The following EAPP variants were observed in gnomAD, a reference collection of about 807,000 sequenced individuals.
EAPP encodes E2F-associated phosphoprotein.
A neutral mutation model predicts 34.3 loss-of-function variants in EAPP; 38 were observed. The ratio of observed to expected loss-of-function variants is 1.11; its 90% confidence interval spans 0.85 to 1.45. The LOEUF (loss-of-function observed/expected upper bound fraction) is 1.45, where lower values mean the gene tolerates loss of function less well. Among genes scored for constraint, EAPP ranks in the 40% most tolerant of loss-of-function variants. The pLI, the probability that EAPP is intolerant of heterozygous loss-of-function variation, is 0.00. For missense variants in EAPP, 338 were observed against 343.7 expected (o/e 0.98, Z 0.13); for synonymous variants, 113 against 117.6 (o/e 0.96, Z 0.25).
intron 2 of EAPP, among the ~76,000 whole-genome samples, chr14:34,533,929 G>T (rs1055112820): frequency 1.3e-5 from 2 of 152,198 alleles, no homozygotes; most frequent in East Asian, 3.9e-4. Flanking sequence ...AGGAAGGCAG[G>T]AGGAATGAGT....
intron 5 of EAPP, among the ~76,000 whole-genome samples, chr14:34,520,830 T>G (rs571296920): frequency 6.6e-6 from 1 of 151,818 alleles, no homozygotes; most frequent in East Asian, 2.0e-4. Flanking sequence ...TTCCACTCCC[T>G]CCTGATCTGT....
chr14:34,535,625 G>C (rs1170647492), intron 2 of EAPP, among the ~76,000 whole-genome samples: 1 of 150,184 alleles, frequency 6.7e-6, no homozygotes, highest in African/African-American at 2.5e-5. Context: ...GTAGACACAG[G>C]GTTTCACCGT....
At chr14:34,538,117 C>T (rs564713961) in intron 1 of EAPP, among the ~76,000 whole-genome samples, 32 of 152,288 alleles carry the variant, frequency 2.1e-4, no homozygotes, top group African/African-American at 5.8e-4. Flanking sequence ...GTGGCTCAGG[C>T]CTGTAATCCT....
In EAPP at chr14:34,516,304, G is replaced by A. The variant is rs746768037; in HGVS notation, c.*6C>T. 6.9e-6 allele frequency: 11 copies of A among 1,604,370 alleles called. No individual in the cohort carries two copies. Among genetic ancestry groups the A allele is most frequent in the Middle Eastern group, 1.7e-4 (1 of 6,024 alleles). On this transcript the variant is annotated 3_prime_UTR_variant, in exon 6 of 6. Transcript: ENST00000250454. ...GTATTGGGTAATTAAATGCCAGTTG[G>A]GCTGTTTAGGAATGGCTTGCTAAAA...
At chr14:34,531,114 G>T (rs1880274758) in intron 3 of EAPP, among the ~76,000 whole-genome samples, 1 of 151,522 alleles carries the variant, frequency 6.6e-6, no homozygotes, top group South Asian at 2.1e-4. Context: ...AAACCAGCAT[G>T]ACCAACATGG....
intron 4 of EAPP, among the ~76,000 whole-genome samples, chr14:34,526,923 C>G (rs1289034281): frequency 1.3e-5 from 2 of 151,362 alleles, no homozygotes; most frequent in Non-Finnish European, 2.9e-5. Flanking sequence ...GTAACCCCAA[C>G]ACTTTGGGAG....
intron 5 of EAPP, among the ~76,000 whole-genome samples, chr14:34,520,039 C>T (rs905629632): frequency 2.6e-5 from 4 of 151,278 alleles, no homozygotes; most frequent in East Asian, 1.9e-4. Context: ...GTGTCCGCCA[C>T]GACTTCCGGC....
chr14:34,516,727 G>T, intron 5 of EAPP, 141 bp from the exon 6 acceptor site: 1 of 829,352 alleles, frequency 1.2e-6, no homozygotes, highest in South Asian at 1.9e-5. Context: ...CAAGTTTAAA[G>T]AAATTTTAAA....
chr14:34,522,409 T>A (rs1389948056), intron 5 of EAPP, among the ~76,000 whole-genome samples: 2 of 152,212 alleles, frequency 1.3e-5, no homozygotes, highest in African/African-American at 4.8e-5. Flanking sequence ...ATATGTGATA[T>A]GTGATAAGGG....
chr14:34,524,657 A>ATGTGTGGGTGTGTGTGTG, intron 5 of EAPP, 40 bp downstream of exon 5: 1 of 853,968 alleles, frequency 1.2e-6, no homozygotes, highest in Non-Finnish European at 1.9e-6. Context: ...CAAAATATGT[A>ATGTGTGGGTGTGTGTGTG]TGTGTGTGTG....
intron 2 of EAPP, among the ~76,000 whole-genome samples, chr14:34,535,608 A>C (rs967485539): frequency 1.3e-5 from 2 of 148,390 alleles, no homozygotes; most frequent in East Asian, 4.1e-4. Context: ...AATTTTTTGT[A>C]TTTTTAGTAG....
At chr14:34,538,438 C>CA (rs1388009900) in intron 1 of EAPP, among the ~76,000 whole-genome samples, 1 of 152,142 alleles carries the variant, frequency 6.6e-6, no homozygotes, top group East Asian at 1.9e-4. Context: ...CCTCCTTTCA[C>CA]AGACAGGACC....
At chr14:34,531,718 T>C (rs1486596106) in intron 3 of EAPP, among the ~76,000 whole-genome samples, 17 of 152,206 alleles carry the variant, frequency 1.1e-4, no homozygotes, top group Admixed American at 9.2e-4. Flanking sequence ...GAATATTTCA[T>C]TGTAATTACT....
chr14:34,536,533 C>T, intron 1 of EAPP: 1 of 217,962 alleles, frequency 4.6e-6, no homozygotes, highest in Non-Finnish European at 8.3e-6. Flanking sequence ...GGCATGATCT[C>T]AGCTCACTGC....
In EAPP at chr14:34,539,609, T is replaced by C; in HGVS notation, c.20A>G (p.Asp7Gly). Residue 7 changes from aspartate to glycine, a missense_variant, in exon 1 of 6, where the codon GAC becomes GGC. Transcript: ENST00000250454. ...CTCTTCAACCGCGTAGGGGTCGTAG[T>C]CATCCGGAAGCCGGTTCATGGTGGC... MNRLPD[D>G]YDPYAVEEPS... is the part of the protein sequence containing the mutation. 1.3e-6 allele frequency: 2 copies of C among 1,580,956 alleles called. No individual in the cohort carries two copies. The highest frequency in any genetic ancestry group is 1.7e-6 in the Non-Finnish European group (2 of 1,161,914).
At chr14:34,523,945 T>C (rs1389011379) in intron 5 of EAPP, among the ~76,000 whole-genome samples, 4 of 152,124 alleles carry the variant, frequency 2.6e-5, no homozygotes, top group African/African-American at 9.7e-5. Flanking sequence ...TTTATCAGAA[T>C]TCCTGAGTAC....
At position 34,516,471 on chromosome 14, in the gene EAPP, TA is replaced by T. The variant is rs1354889180; in HGVS notation, c.696del (p.His232GlnfsTer4). On this transcript the variant is annotated frameshift_variant, in exon 6 of 6. Transcript: ENST00000250454. LOFTEE classifies it high-confidence loss of function. Reference sequence around the variant, plus strand: ...TCTTCCCGGTTAGACCTCATCTTCTTATGGACCCGCCTTTTCTTCCTGTTCT... The same window carrying T: ...TCTTCCCGGTTAGACCTCATCTTCTTTGGACCCGCCTTTTCTTCCTGTTCT... ...ASENRKKRRV[H>X]KKMRSNREDA... The T allele has an allele frequency of 9.9e-6, 16 of 1,614,078 alleles. No homozygotes were observed. The highest frequency in any genetic ancestry group is 5.0e-5 in the Admixed American group (3 of 59,980).
intron 5 of EAPP, 30 bp downstream of exon 5, chr14:34,524,653 ATGTATGTGTGTGTG>A: frequency 1.1e-6 from 1 of 874,606 alleles, no homozygotes; most frequent in South Asian, 1.5e-5. Context: ...TAAACAAAAT[ATGTATGTGTGTGTG>A]TGTGTGTGTG....
chr14:34,529,356 A>C lies in EAPP; in HGVS notation c.470+2T>G. On this transcript the variant is annotated splice_donor_variant, in intron 4 of 5. Transcript: ENST00000250454. LOFTEE classifies it high-confidence loss of function. ...TTCTAAATATTAACTTTAAGTTCTT[A>C]CCCCCTTCTCTGTGCATCAACCCAG... The C allele has an allele frequency of 4.6e-6, 7 of 1,510,856 alleles. No individual in the cohort carries two copies. Among genetic ancestry groups the C allele is most frequent in the Middle Eastern group, 1.7e-4 (1 of 5,892 alleles). 93.6% of individuals were successfully genotyped at this position (1,510,856 alleles called of 1,614,324 possible). A position where few individuals can be genotyped will look rare whatever the true frequency, so the allele number is the denominator to read the frequency against.
Sources: gnomAD v4.1 joint callset for allele counts (sites outside exome capture counted in the v4.1 genomes callset) on GRCh38, gnomAD v4.1.1 for gene constraint, MANE v1.5 for transcripts, NCBI Gene and HGNC (gene_info 2026-07-23, HGNC 2026-07-21) for gene names.